The following GOLGA4 variants were observed in gnomAD, a reference collection of about 807,000 sequenced individuals.
The protein encoded by GOLGA4 is golgin subfamily A member 4.
Under a neutral mutation model 265.9 loss-of-function variants are expected in GOLGA4, and 169 were observed. That is an observed-to-expected ratio of 0.64 (90% CI 0.56 to 0.72). GOLGA4 has a LOEUF of 0.72. Among genes scored for constraint, GOLGA4 ranks in the 30% least tolerant of loss-of-function variants. The probability of loss-of-function intolerance (pLI) is 0.00; values close to 1 mark genes in which losing one functional copy is unlikely to be tolerated. For missense variants in GOLGA4, 2,482 were observed against 2,483.4 expected (o/e 1.00, Z 0.01); for synonymous variants, 923 against 855.8 (o/e 1.08, Z -1.37).
At chr3:37,280,657 C>T (rs1193162462) in intron 2 of GOLGA4, among the ~76,000 whole-genome samples, 1 of 152,092 alleles carries the variant, frequency 6.6e-6, no homozygotes, top group Non-Finnish European at 1.5e-5. Context: ...TCTTGAACTT[C>T]TTTCCATATG....
chr3:37,268,970 A>G (rs1029297724), intron 2 of GOLGA4, among the ~76,000 whole-genome samples: 2 of 152,352 alleles, frequency 1.3e-5, no homozygotes, highest in Admixed American at 1.3e-4. Flanking sequence ...CAAGTTCAGT[A>G]GGTACTGACT....
At chr3:37,299,434 A>G in intron 9 of GOLGA4, 63 bp downstream of exon 9, 7 of 900,602 alleles carry the variant, frequency 7.8e-6, no homozygotes, top group Non-Finnish European at 1.1e-5. Flanking sequence ...ACTTTTGGAA[A>G]CAGTTGGAAA....
chr3:37,327,900 A>T, intron 14 of GOLGA4, 75 bp downstream of exon 14: 1 of 1,151,280 alleles, frequency 8.7e-7, no homozygotes, highest in Non-Finnish European at 1.2e-6. Context: ...TGCCTAATAC[A>T]GTTATTTTAA....
chr3:37,312,608 G>A (rs2096926073), intron 10 of GOLGA4, among the ~76,000 whole-genome samples: 2 of 148,498 alleles, frequency 1.3e-5, no homozygotes, highest in South Asian at 4.2e-4. Flanking sequence ...CTGAAGCCTT[G>A]ACCTCCCAGA....
At chr3:37,273,390 A>G in intron 2 of GOLGA4, 2 of 604,304 alleles carry the variant, frequency 3.3e-6, no homozygotes, top group Non-Finnish European at 5.8e-6. Context: ...CCTTGCATGA[A>G]AACATTCTAA....
intron 10 of GOLGA4, among the ~76,000 whole-genome samples, chr3:37,306,501 C>CTCTG (rs1553613636): frequency 2.9e-5 from 4 of 140,214 alleles, no homozygotes; most frequent in African/African-American, 1.0e-4. Context: ...TGGCTGTTCT[C>CTCTG]TGTGTGTGTG....
chr3:37,295,406 A>T (rs529301894), intron 6 of GOLGA4, among the ~76,000 whole-genome samples: 122 of 152,234 alleles, frequency 8.0e-4, no homozygotes, highest in Non-Finnish European at 8.8e-4. Flanking sequence ...TTTTGTAGAG[A>T]TGGGGTCTCA....
At chr3:37,277,678 G>A (rs2096823161) in intron 2 of GOLGA4, among the ~76,000 whole-genome samples, 2 of 152,072 alleles carry the variant, frequency 1.3e-5, no homozygotes, top group South Asian at 4.2e-4. Flanking sequence ...TAGCTTTACA[G>A]TACAGATCTT....
intron 10 of GOLGA4, among the ~76,000 whole-genome samples, chr3:37,306,376 A>C (rs533081556): frequency 1.3e-5 from 2 of 152,280 alleles, no homozygotes; most frequent in South Asian, 4.1e-4. Flanking sequence ...AAACTTGGAA[A>C]AGTTTGGTGG....
intron 1 of GOLGA4, among the ~76,000 whole-genome samples, chr3:37,246,799 T>C (rs970681764): frequency 1.8e-4 from 27 of 152,196 alleles, no homozygotes; most frequent in African/African-American, 6.5e-4. Context: ...AATCAACATA[T>C]ACGCCCCTCC....
intron 2 of GOLGA4, among the ~76,000 whole-genome samples, chr3:37,261,657 A>G (rs747673684): frequency 1.9e-4 from 29 of 152,108 alleles, no homozygotes; most frequent in Non-Finnish European, 4.0e-4. Context: ...GAAATGTTCT[A>G]TACAGAGGAG....
chr3:37,311,887 A>G (rs895647765), intron 10 of GOLGA4, among the ~76,000 whole-genome samples: 3 of 152,226 alleles, frequency 2.0e-5, no homozygotes, highest in African/African-American at 7.2e-5. Context: ...TTATATCTAA[A>G]CAGGAACTTG....
intron 21 of GOLGA4, among the ~76,000 whole-genome samples, chr3:37,354,881 T>C (rs1444330550): frequency 6.6e-6 from 1 of 152,122 alleles, no homozygotes; most frequent in Non-Finnish European, 1.5e-5. Flanking sequence ...CTATTGTAAA[T>C]GCATCTTGTT....
intron 3 of GOLGA4, among the ~76,000 whole-genome samples, chr3:37,285,673 C>T (rs1318116836): frequency 6.6e-6 from 1 of 152,228 alleles, no homozygotes; most frequent in Non-Finnish European, 1.5e-5. Context: ...AGCAAACTTG[C>T]AAGTGATGCT....
intron 2 of GOLGA4, among the ~76,000 whole-genome samples, chr3:37,254,083 A>G (rs893530109): frequency 3.3e-5 from 5 of 152,154 alleles, no homozygotes; most frequent in Non-Finnish European, 5.9e-5. Flanking sequence ...ACTTTATTGT[A>G]TGCAAACTAA....
At chr3:37,276,020 A>T in intron 2 of GOLGA4, 1 of 1,613,104 alleles carries the variant, frequency 6.2e-7, no homozygotes, top group Non-Finnish European at 8.5e-7. Flanking sequence ...AAGTACTTCC[A>T]GCGGCAATGT....
At chr3:37,365,523 C>G (rs1300872554) in intron 23 of GOLGA4, among the ~76,000 whole-genome samples, 1 of 152,100 alleles carries the variant, frequency 6.6e-6, no homozygotes, top group Non-Finnish European at 1.5e-5. Context: ...CCACCTTGGC[C>G]TTCCAAAGTG....
chr3:37,351,320 G>A (rs1219680445), intron 21 of GOLGA4, among the ~76,000 whole-genome samples: 1 of 152,010 alleles, frequency 6.6e-6, no homozygotes, highest in African/African-American at 2.4e-5. Flanking sequence ...TTCTAATTCT[G>A]GTTCTCTTGA....
Position 37,243,318 on chromosome 3 carries a change from A to T in GOLGA4, c.-233A>T. ...TCGCCGCCGCGGCTCCCGGGGCTGG[A>T]TGGGGGGCCGAGGCCAGCCAGTGGC... On this transcript the variant is annotated 5_prime_UTR_variant, in exon 1 of 24. The change abolishes an upstream ATG in the 5' untranslated region. Transcript: ENST00000361924. 1.8e-6 allele frequency: 1 copy of T among 557,528 alleles called. No individual in the cohort carries two copies. The highest frequency in any genetic ancestry group is 3.4e-5 in the Admixed American group (1 of 29,310). The allele number at this position is 557,528 out of a possible 1,614,324, so 34.5% of individuals were successfully genotyped here.
Sources: allele counts gnomAD v4.1 joint callset (sites outside exome capture counted in the v4.1 genomes callset), GRCh38; gene constraint gnomAD v4.1.1; transcripts MANE v1.5; gene names NCBI Gene and HGNC (gene_info 2026-07-23, HGNC 2026-07-21).